The following CDK14 variants were observed in gnomAD, a reference collection of about 807,000 sequenced individuals.
CDK14 encodes cyclin-dependent kinase 14.
CDK14 carries 34 observed loss-of-function variants against 60.7 expected under a neutral mutation model. The ratio of observed to expected loss-of-function variants is 0.56; its 90% confidence interval spans 0.43 to 0.75. CDK14 has a LOEUF of 0.75. CDK14 is among the 30% of genes least tolerant of loss of function. CDK14 has a pLI of 0.00. For missense variants in CDK14, 482 were observed against 564.1 expected (o/e 0.85, Z 1.47); for synonymous variants, 197 against 203.7 (o/e 0.97, Z 0.28).
At chr7:90,773,828 A>T (rs953556875) in intron 4 of CDK14, among the ~76,000 whole-genome samples, 1 of 139,888 alleles carries the variant, frequency 7.1e-6, no homozygotes, top group African/African-American at 2.7e-5. Flanking sequence ...CTCCTCTGGC[A>T]TAGGTCTTCT....
intron 2 of CDK14, among the ~76,000 whole-genome samples, chr7:90,647,504 T>C (rs1359776328): frequency 1.2e-5 from 1 of 81,798 alleles, no homozygotes; most frequent in Non-Finnish European, 2.2e-5. Flanking sequence ...AGTTTTATTT[T>C]TTTATCTTTT....
chr7:90,717,698 TGTA>T (rs1314538605), intron 2 of CDK14, among the ~76,000 whole-genome samples: 1 of 152,170 alleles, frequency 6.6e-6, no homozygotes, highest in Non-Finnish European at 1.5e-5. Flanking sequence ...TTGTTTTTAA[TGTA>T]GTTTCTCAGG....
intron 14 of CDK14, among the ~76,000 whole-genome samples, chr7:91,206,421 C>CT (rs1419120909): frequency 2.0e-5 from 3 of 152,174 alleles, no homozygotes; most frequent in Non-Finnish European, 2.9e-5. Flanking sequence ...GATCCCTCAG[C>CT]TATGTGCCTT....
At chr7:90,775,028 C>A (rs1276707941) in intron 4 of CDK14, among the ~76,000 whole-genome samples, 6 of 152,094 alleles carry the variant, frequency 3.9e-5, no homozygotes, top group Non-Finnish European at 8.8e-5. Flanking sequence ...CATTTCACTG[C>A]TTTGGAGATG....
chr7:90,853,972 A>G (rs1231457687), intron 5 of CDK14, among the ~76,000 whole-genome samples: 1 of 152,158 alleles, frequency 6.6e-6, no homozygotes, highest in Non-Finnish European at 1.5e-5. Flanking sequence ...TAATTTGCTT[A>G]AGAATATGCT....
At chr7:90,614,006 CTTTTTTT>C (rs34900577) in intron 2 of CDK14, among the ~76,000 whole-genome samples, 1 of 130,808 alleles carries the variant, frequency 7.6e-6, no homozygotes. Context: ...GTCCCAAACA[CTTTTTTT>C]TTTTTTTTTT....
intron 9 of CDK14, among the ~76,000 whole-genome samples, chr7:90,971,388 C>T (rs1794926809): frequency 6.6e-6 from 1 of 152,080 alleles, no homozygotes; most frequent in Admixed American, 6.6e-5. Context: ...GGGGAGGCTT[C>T]ACCCGGTGGT....
chr7:91,108,743 C>T (rs1006871451), intron 12 of CDK14, among the ~76,000 whole-genome samples: 3 of 152,142 alleles, frequency 2.0e-5, no homozygotes, highest in African/African-American at 7.2e-5. Context: ...TCATTTCGTG[C>T]TATTATGAAA....
At chr7:91,105,705 A>G (rs958794734) in intron 12 of CDK14, among the ~76,000 whole-genome samples, 1 of 152,244 alleles carries the variant, frequency 6.6e-6, no homozygotes, top group African/African-American at 2.4e-5. Context: ...GCAAGTGAGG[A>G]TCAGTAGCAA....
intron 2 of CDK14, among the ~76,000 whole-genome samples, chr7:90,661,983 T>C (rs1180910290): frequency 6.6e-6 from 1 of 152,188 alleles, no homozygotes; most frequent in African/African-American, 2.4e-5. Flanking sequence ...TGGCAGGAGC[T>C]TCAGAGTCCT....
intron 11 of CDK14, among the ~76,000 whole-genome samples, chr7:91,053,596 C>G (rs1378464509): frequency 1.3e-5 from 2 of 152,238 alleles, no homozygotes; most frequent in African/African-American, 2.4e-5. Context: ...GCTCCAAAAT[C>G]TCCTCTGCAG....
At chr7:90,984,112 T>C in intron 9 of CDK14, 36 bp from the exon 10 acceptor site, 1 of 1,318,238 alleles carries the variant, frequency 7.6e-7, no homozygotes, top group Non-Finnish European at 1.1e-6. Context: ...GCAGAATATA[T>C]TGAAGTTTTG....
intron 6 of CDK14, among the ~76,000 whole-genome samples, chr7:90,878,979 T>C (rs1337653441): frequency 6.6e-6 from 1 of 152,244 alleles, no homozygotes; most frequent in Non-Finnish European, 1.5e-5. Context: ...ACCATATTGC[T>C]ATTCCCAAAT....
intron 9 of CDK14, among the ~76,000 whole-genome samples, chr7:90,973,687 G>A (rs1013688665): frequency 1.3e-5 from 2 of 151,606 alleles, no homozygotes; most frequent in African/African-American, 4.9e-5. Flanking sequence ...TCACATATTG[G>A]TAGGACTGTG....
intron 10 of CDK14, among the ~76,000 whole-genome samples, chr7:91,034,949 C>CAA (rs1388812354): frequency 6.9e-6 from 1 of 144,318 alleles, no homozygotes; most frequent in African/African-American, 2.7e-5. Context: ...TACACATACA[C>CAA]ACACACACAC....
intron 10 of CDK14, among the ~76,000 whole-genome samples, chr7:91,042,869 C>G (rs1251335632): frequency 6.6e-6 from 1 of 152,120 alleles, no homozygotes; most frequent in African/African-American, 2.4e-5. Flanking sequence ...CATCAGAGAC[C>G]ATACATACTC....
At chr7:91,172,978 T>C (rs1801575166) in intron 14 of CDK14, among the ~76,000 whole-genome samples, 1 of 152,178 alleles carries the variant, frequency 6.6e-6, no homozygotes, top group South Asian at 2.1e-4. Flanking sequence ...GCCCAAACTT[T>C]CTTAATTTTC....
intron 14 of CDK14, among the ~76,000 whole-genome samples, chr7:91,158,469 G>A (rs1225322123): frequency 6.6e-6 from 1 of 151,998 alleles, no homozygotes; most frequent in Non-Finnish European, 1.5e-5. Context: ...TGCCTGCCTT[G>A]ACCTCCCAAA....
intron 4 of CDK14, among the ~76,000 whole-genome samples, chr7:90,748,143 A>G (rs1803672568): frequency 6.6e-6 from 1 of 152,194 alleles, no homozygotes; most frequent in South Asian, 2.1e-4. Context: ...TGCCAAATAT[A>G]TTGGCCATTC....
Sources: gnomAD v4.1 joint callset for allele counts (sites outside exome capture counted in the v4.1 genomes callset) on GRCh38, gnomAD v4.1.1 for gene constraint, MANE v1.5 for transcripts, NCBI Gene and HGNC (gene_info 2026-07-23, HGNC 2026-07-21) for gene names.